Variants in NAGK observed in about 807,000 individuals in gnomAD.
The protein encoded by NAGK is N-acetylglucosamine kinase.
In NAGK, 35 loss-of-function variants were observed where a neutral mutation model predicts 42.9. The ratio of observed to expected loss-of-function variants is 0.82; its 90% CI spans 0.62 to 1.08. The LOEUF is 1.08. Among genes scored for constraint, NAGK ranks in the 50% least tolerant of loss-of-function variants. NAGK has a pLI of 0.00. For missense variants in NAGK, 446 were observed against 446.0 expected, an observed-to-expected ratio of 1.00 and a Z score of 0.00; for synonymous variants, 172 against 176.0, an observed-to-expected ratio of 0.98 and a Z score of 0.18.
chr2:71,069,288 C>G (rs565537765), intron 1 of NAGK: 1 of 177,322 alleles, frequency 5.6e-6, no homozygotes, highest in Admixed American at 6.5e-5. Context: ...ATAGCTCTGC[C>G]CCTGGGTATG....
chr2:71,077,531 C>T, intron 8 of NAGK, 27 bp from the exon 9 acceptor site: 1 of 1,585,506 alleles, frequency 6.3e-7, no homozygotes, highest in Non-Finnish European at 8.6e-7. Flanking sequence ...GGTTGGCCCC[C>T]ATATCCATTT....
rs1238304692 is a variant in NAGK, at chr2:71,068,675, AG to A, written c.-8del. 6.6e-7 allele frequency: 1 copy of A among 1,519,942 alleles called. No individual in the cohort carries two copies. The highest frequency in any genetic ancestry group is 8.8e-7 in the Non-Finnish European group (1 of 1,133,868). 94.2% of individuals were successfully genotyped at this position (1,519,942 alleles called of 1,614,324 possible). A position where few individuals can be genotyped will look rare whatever the true frequency, so the allele number is the denominator to read the frequency against. On this transcript the variant is annotated 5_prime_UTR_variant, in exon 1 of 10. Coordinates refer to ENST00000244204, the MANE Select transcript of NAGK (RefSeq NM_017567.6). The stretch of plus-strand genomic sequence containing the variant: ...AAACGGCGGGACCAGCAGCGACGGT[AG>A]CAGCAGCATGGCCGCGATCTATGGG...
intron 7 of NAGK, chr2:71,076,348 G>C: frequency 2.0e-5 from 8 of 390,404 alleles, no homozygotes; most frequent in Non-Finnish European, 3.3e-5. Flanking sequence ...TTTAGTGGGT[G>C]CTGCCCTCCC....
chr2:71,076,469 G>C, intron 7 of NAGK, 135 bp from the exon 8 acceptor site: 1 of 643,488 alleles, frequency 1.6e-6, no homozygotes, highest in South Asian at 1.9e-5. Flanking sequence ...GCCACGAGGC[G>C]GGCATCCATC....
In NAGK at chr2:71,072,723, G is replaced by A; in HGVS notation, c.438G>A (p.Trp146Ter). ...PDGSESGCGG[W>*]GHMMGDEGSA... The stretch of plus-strand genomic sequence containing the variant: ...GCTCCGAGAGTGGCTGCGGCGGCTG[G>A]GGCCATATGATGGGTGATGAGGGTT... Residue 146 changes from tryptophan to a stop codon, truncating the protein, a stop_gained, in exon 5 of 10, where the codon TGG (tryptophan) becomes TGA (stop). Transcript: ENST00000244204. LOFTEE classifies it high-confidence loss of function. The A allele has an allele frequency of 6.2e-7, 1 of 1,614,022 alleles. No individual in the cohort carries two copies. The highest frequency in any genetic ancestry group is 8.5e-7 in the Non-Finnish European group (1 of 1,179,942).
At chr2:71,070,454 T>C (rs1293622683) in intron 1 of NAGK, 48 bp from the exon 2 acceptor site, 4 of 1,528,134 alleles carry the variant, frequency 2.6e-6, no homozygotes, top group African/African-American at 2.7e-5. Context: ...CTTAGCTCTC[T>C]CTGTGGGTTT....
At chr2:71,070,683 G>A (rs1333528181) in intron 2 of NAGK, 58 bp from the exon 3 acceptor site, 1 of 1,609,938 alleles carries the variant, frequency 6.2e-7, no homozygotes, top group Non-Finnish European at 8.5e-7. Context: ...AGCAGCCTGT[G>A]GGGGCAACAT....
At chr2:71,069,046 G>A in intron 1 of NAGK, 1 of 1,089,086 alleles carries the variant, frequency 9.2e-7, no homozygotes, top group Non-Finnish European at 1.1e-6. Context: ...ACAGAGTTTT[G>A]CAGAACAGGT....
At chr2:71,073,081 G>A (rs191826175) in intron 5 of NAGK, 215 of 454,328 alleles carry the variant, frequency 4.7e-4, no homozygotes, top group Non-Finnish European at 8.0e-4. Flanking sequence ...ATACCAGTCT[G>A]CTAGGGGAAA....
rs1272689450 is a variant in NAGK, at chr2:71,072,811, T to A, written c.466+60T>A. ...GATCTGCTCCTTCCTTCACTCCCTG[T>A]CTTTCTCTCCTTAGCCTTGGCTCAC... On this transcript the variant is annotated intron_variant, in intron 5 of 9. Coordinates refer to ENST00000244204, the MANE Select transcript of NAGK (RefSeq NM_017567.6). 2.0e-6 allele frequency: 3 copies of A among 1,470,364 alleles called. No individual in the cohort carries two copies. The African/African-American group carries it at 4.2e-5, about 21-fold the overall frequency. The allele number at this position is 1,470,364 out of a possible 1,614,324, so 91.1% of individuals were successfully genotyped here.
chr2:71,078,620 A>G lies in NAGK; in HGVS notation c.*112A>G. On this transcript the variant is annotated 3_prime_UTR_variant, in exon 10 of 10. Coordinates refer to ENST00000244204, the MANE Select transcript of NAGK (RefSeq NM_017567.6). The stretch of plus-strand genomic sequence containing the variant: ...CAAAAACAAACATAGAAGAAAATAA[A>G]TGCACTTTATCCACTCCCCAATTGG... 3.1e-6 allele frequency: 4 copies of G among 1,287,740 alleles called. No homozygotes were observed. The highest frequency in any genetic ancestry group is 4.2e-6 in the Non-Finnish European group (4 of 956,152). 79.8% of individuals were successfully genotyped at this position (1,287,740 alleles called of 1,614,324 possible).
chr2:71,073,455 C>A, intron 5 of NAGK, 27 bp from the exon 6 acceptor site: 2 of 1,533,140 alleles, frequency 1.3e-6, no homozygotes, highest in Non-Finnish European at 1.8e-6. Flanking sequence ...CTGCTCCCAT[C>A]TTCTTAGCCC....
At chr2:71,068,505 A>G (rs752465880), upstream of NAGK, 1 of 1,432,074 alleles carries the variant, frequency 7.0e-7, no homozygotes, top group South Asian at 1.4e-5. Context: ...AGCCTGAGGG[A>G]CGCAGCCATC....
intron 4 of NAGK, chr2:71,072,137 G>A (rs1672037597): frequency 5.8e-6 from 2 of 346,770 alleles, no homozygotes; most frequent in Non-Finnish European, 1.1e-5. Context: ...AGGAAGTGGG[G>A]TGGCCTTGTG....
At chr2:71,077,391 G>T in intron 8 of NAGK, 167 bp from the exon 9 acceptor site, 2 of 628,088 alleles carry the variant, frequency 3.2e-6, no homozygotes, top group Non-Finnish European at 5.7e-6. Context: ...CTTTACAAAT[G>T]TCTCCTATTT....
intron 7 of NAGK, chr2:71,076,176 G>A (rs957369412): frequency 4.9e-5 from 9 of 184,224 alleles, no homozygotes; most frequent in African/African-American, 2.1e-4. Flanking sequence ...GCAGGAACAG[G>A]CTAACCAACA....
At position 71,078,642 on chromosome 2, in the gene NAGK, T is replaced by C. The variant is rs1572985775; in HGVS notation, c.*134T>C. Reference sequence around the variant, plus strand: ...TAAATGCACTTTATCCACTCCCCAATTGGACTGCATTATCAAACACATGTG... The same window carrying C: ...TAAATGCACTTTATCCACTCCCCAACTGGACTGCATTATCAAACACATGTG... On this transcript the variant is annotated 3_prime_UTR_variant, in exon 10 of 10. Transcript: ENST00000244204. 3.8e-6 allele frequency: 4 copies of C among 1,057,228 alleles called. No individual in the cohort carries two copies. Among genetic ancestry groups the C allele is most frequent in the Admixed American group, 3.0e-5 (1 of 33,596 alleles). The allele number at this position is 1,057,228 out of a possible 1,614,324, so 65.5% of individuals were successfully genotyped here.
At chr2:71,073,133 G>T in intron 5 of NAGK, 1 of 461,458 alleles carries the variant, frequency 2.2e-6, no homozygotes, top group South Asian at 2.1e-5. Flanking sequence ...TCTAGGTAGT[G>T]TGTGTTTATT....
In NAGK at chr2:71,068,851, C is replaced by T. The variant is rs9808522; in HGVS notation, c.29+139C>T. 3.3e-3 allele frequency: 4,583 copies of T among 1,378,758 alleles called. 102 individuals carry two copies. The African/African-American group carries it at 0.056, about 17-fold the overall frequency. 85.4% of individuals were successfully genotyped at this position (1,378,758 alleles called of 1,614,324 possible). On this transcript the variant is annotated intron_variant, in intron 1 of 9. Transcript: ENST00000244204. The stretch of plus-strand genomic sequence containing the variant: ...ACCTTGCGGTGAAGAGGTGTGTGCA[C>T]GCGCAGGGGCGCCCTGGAGCGCACA...
Sources: allele counts gnomAD v4.1 joint callset, GRCh38; gene constraint gnomAD v4.1.1; transcripts MANE v1.5; gene names NCBI Gene and HGNC (gene_info 2026-07-23, HGNC 2026-07-21).